The following BAZ2A variants were observed in gnomAD, a reference collection of about 807,000 sequenced individuals.
BAZ2A encodes the protein bromodomain adjacent to zinc finger domain protein 2A.
A neutral mutation model predicts 199.9 loss-of-function variants in BAZ2A; 34 were observed. The ratio of observed to expected loss-of-function variants is 0.17; its 90% CI spans 0.13 to 0.23. The LOEUF (loss-of-function observed/expected upper bound fraction) is 0.23, where lower values mean the gene tolerates loss of function less well. Ranked by LOEUF, BAZ2A falls within the 10% of genes least tolerant of loss-of-function variation. The probability of loss-of-function intolerance (pLI) is 1.00; values close to 1 mark genes in which losing one functional copy is unlikely to be tolerated. For missense variants in BAZ2A, 2,002 were observed against 2,391.1 expected (o/e 0.84, Z 3.39); for synonymous variants, 857 against 883.9 (o/e 0.97, Z 0.54).
At position 56,614,153 on chromosome 12, in the gene BAZ2A, G is replaced by A; in HGVS notation, c.731-15C>T. The A allele has an allele frequency of 1.2e-6, 2 of 1,609,498 alleles. No homozygotes were observed. The highest frequency in any genetic ancestry group is 2.2e-5 in the East Asian group (1 of 44,746). The stretch of plus-strand genomic sequence containing the variant: ...CATCTTCAGTTCTAGGAAATCACAG[G>A]AGAGACCAAAAGTCAAAATCAGTGC... On this transcript the variant is annotated splice_polypyrimidine_tract_variant and intron_variant, in intron 3 of 28. Coordinates refer to ENST00000549884, the MANE Select transcript of BAZ2A (RefSeq NM_001300905.2).
At position 56,615,187 on chromosome 12, in the gene BAZ2A, G is replaced by T. The variant is rs776437444; in HGVS notation, c.557C>A (p.Thr186Asn). The change falls in exon 3 of 29, where the codon ACC becomes AAC. Residue 186 changes from threonine to asparagine, a missense_variant. Physicochemically the swap from Thr to Asn is moderately conservative, Grantham distance 65. Transcript: ENST00000549884. Reference protein sequence around the residue: ...VMPNGPPSFFTSPQTSPMLGS... With the variant: ...VMPNGPPSFFNSPQTSPMLGS... ...CAACATAGGAGAAGTCTGTGGGGAG[G>T]TGAAAAAACTAGGGGGTCCATTGGG... 49 of 1,613,586 alleles carry T rather than the reference G, an allele frequency of 3.0e-5. No individual in the cohort carries two copies. The highest frequency in any genetic ancestry group is 4.1e-5 in the Non-Finnish European group (48 of 1,179,778).
Position 56,609,940 on chromosome 12 carries a change from G to T in BAZ2A, c.1888C>A (p.Gln630Lys), listed in dbSNP as rs563205403. ...TCCTCTGCTGAGAGCTGCACCCACT[G>T]CAAGCCCTAAGGTAGCAAGGGAGAC... ...FEERDTPEGL[Q>K]WVQLSAEEIP... is the part of the protein sequence containing the mutation. The change falls in exon 10 of 29, where the codon CAG (glutamine) becomes AAG (lysine). Residue 630 changes from glutamine (Q) to lysine (K), a missense_variant. By Grantham distance (53) the Gln-to-Lys change is moderately conservative (BLOSUM62 1). Coordinates refer to ENST00000549884, the MANE Select transcript of BAZ2A (RefSeq NM_001300905.2). 1 of 1,611,990 alleles carries T rather than the reference G, an allele frequency of 6.2e-7. No individual in the cohort carries two copies. Among genetic ancestry groups the T allele is most frequent in the South Asian group, 1.1e-5 (1 of 90,920 alleles).
upstream of BAZ2A, among the ~76,000 whole-genome samples, chr12:56,635,280 G>C (rs1472230186): frequency 2.0e-5 from 3 of 152,064 alleles, no homozygotes; most frequent in Non-Finnish European, 4.4e-5. This position sits in a 1 kb window ranked among gnomAD's most constrained non-coding sequence, Gnocchi z 4.1. Context: ...GGACTTGGGA[G>C]AGCTCTGCCC....
In BAZ2A at chr12:56,600,744, T is replaced by C; in HGVS notation, c.4539A>G (p.Leu1513=). The C allele has an allele frequency of 6.2e-7, 1 of 1,613,812 alleles. No homozygotes were observed. The highest frequency in any genetic ancestry group is 8.5e-7 in the Non-Finnish European group (1 of 1,179,890). The change falls in exon 23 of 29, where the codon CTA becomes CTG. Residue 1513 remains leucine (L), a synonymous_variant. Coordinates refer to ENST00000549884, the MANE Select transcript of BAZ2A (RefSeq NM_001300905.2). ...SPKEKTYETD[L]AVLQWVEELE... ...GCTCCTCTACCCATTGAAGCACTGC[T>C]AGGTCTGTCTCGTATGTCTTCTCTT...
rs1335329310 is a variant in BAZ2A at position 56,602,122 on chromosome 12, G to A, written c.3495C>T (p.Ala1165=). 3 of 1,593,250 alleles carry A rather than the reference G, an allele frequency of 1.9e-6. No homozygotes were observed. Among genetic ancestry groups the A allele is most frequent in the East Asian group, 4.5e-5 (2 of 44,206 alleles). The change falls in exon 20 of 29, where the codon GCC becomes GCT. Residue 1165 remains alanine (A), a synonymous_variant. Transcript: ENST00000549884. ...CTAACTCCATCTTCATAGAGAAGAG[G>A]GCAGGGTTGAGTGACGCATGGGCTG... ...KVAAHASLNP[A]LFSMKMELAG...
chr12:56,600,546 G>C, intron 23 of BAZ2A, 56 bp from the exon 24 acceptor site: 2 of 1,569,044 alleles, frequency 1.3e-6, no homozygotes, highest in Non-Finnish European at 1.7e-6. Flanking sequence ...ATTTGGCATA[G>C]GAAAAAAAAA....
chr12:56,629,727 A>G (rs920874951), intron 1 of BAZ2A, among the ~76,000 whole-genome samples: 1 of 151,926 alleles, frequency 6.6e-6, no homozygotes, highest in Non-Finnish European at 1.5e-5. Flanking sequence ...CCGCCAAGGG[A>G]ACCCCCTCAC....
intron 10 of BAZ2A, among the ~76,000 whole-genome samples, chr12:56,608,380 A>C (rs557928646): frequency 7.9e-5 from 12 of 152,110 alleles, no homozygotes; most frequent in African/African-American, 2.4e-4. Context: ...TCAAAAAAAA[A>C]AAAACAAAAT....
chr12:56,623,228 T>G (rs1000014466), intron 1 of BAZ2A, among the ~76,000 whole-genome samples: 1 of 148,960 alleles, frequency 6.7e-6, no homozygotes, highest in African/African-American at 2.5e-5. Context: ...AGAGCGAGAC[T>G]CCATCTCAAA....
In BAZ2A at chr12:56,599,189, G is replaced by T; in HGVS notation, c.5342C>A (p.Ser1781Tyr). 1 of 1,613,370 alleles carries T rather than the reference G, an allele frequency of 6.2e-7. No homozygotes were observed. The highest frequency in any genetic ancestry group is 8.5e-7 in the Non-Finnish European group (1 of 1,179,718). The change falls in exon 27 of 29, where the codon TCC becomes TAC. Residue 1781 changes from serine (S) to tyrosine (Y), a missense_variant. Physicochemically the swap from Ser to Tyr is moderately radical, Grantham distance 144 (BLOSUM62 -2). This residue lies in a region of BAZ2A where 122 missense variants were observed against 123.0 expected (regional missense o/e 0.99). Coordinates refer to ENST00000549884, the MANE Select transcript of BAZ2A (RefSeq NM_001300905.2). ...AGPRYSEEGL[S>Y]PSKRRRLSMR... ...AGAGAGTCGCCGCCGCTTGGAGGGG[G>T]AGAGCCCTTCTTCCGAGTACCGAGG...
At position 56,615,142 on chromosome 12, in the gene BAZ2A, A is replaced by G. The variant is rs1438481462; in HGVS notation, c.602T>C (p.Phe201Ser). ...ACTGCCTACCTCCTGGGAGGGTGCA[A>G]AGGTTTGAATGCTAGATCCCAACAT... is the stretch of plus-strand genomic sequence containing the variant. ...SPMLGSSIQT[F>S]APSQEVGSGI... The change falls in exon 3 of 29, where the codon TTT becomes TCT. Residue 201 changes from phenylalanine (F) to serine (S), a missense_variant. This residue lies in a region of BAZ2A where 641 missense variants were observed against 694.5 expected (regional missense o/e 0.92). Coordinates refer to ENST00000549884, the MANE Select transcript of BAZ2A (RefSeq NM_001300905.2). 2 of 1,613,696 alleles carry G rather than the reference A, an allele frequency of 1.2e-6. No homozygotes were observed. Among genetic ancestry groups the G allele is most frequent in the Admixed American group, 3.3e-5 (2 of 59,972 alleles).
chr12:56,621,323 G>A (rs896232277), intron 1 of BAZ2A: 1 of 929,548 alleles, frequency 1.1e-6, no homozygotes, highest in South Asian at 5.0e-5. Flanking sequence ...ACAGAAATCA[G>A]AGAATTAAAA....
chr12:56,596,556 C>T lies in BAZ2A; in HGVS notation c.*2062G>A, dbSNP rs1204459243. 2.0e-5 allele frequency: 3 copies of T among 152,126 alleles called. No individual in the cohort carries two copies. The East Asian group carries it at 5.8e-4, about 29-fold the overall frequency. 9.4% of individuals were successfully genotyped at this position (152,126 alleles called of 1,614,324 possible). A position where few individuals can be genotyped will look rare whatever the true frequency, so the allele number is the denominator to read the frequency against. ...AGATTTCACTCCCCCATCCACCTCA[C>T]AATTTCACTCCCCCATCCACCTCAC... On this transcript the variant is annotated 3_prime_UTR_variant, in exon 29 of 29. Transcript: ENST00000549884.
chr12:56,599,259 G>A lies in BAZ2A; in HGVS notation c.5272C>T (p.Arg1758Ter), dbSNP rs1157308812. ...CGGCCCCTCAACAGTACCCGGCGTCGGCGGCCATCACCCTCTGAGAAGTTC... is the reference window on the plus strand; with the variant it reads ...CGGCCCCTCAACAGTACCCGGCGTCAGCGGCCATCACCCTCTGAGAAGTTC... ...SLNFSEGDGRRRRVLLRGRES... is the reference protein window; with the variant it reads ...SLNFSEGDGR The change falls in exon 27 of 29, where the codon CGA becomes TGA. Residue 1758 changes from arginine (R) to a stop codon, truncating the protein, a stop_gained. Transcript: ENST00000549884. LOFTEE classifies it high-confidence loss of function. The A allele has an allele frequency of 2.5e-6, 4 of 1,613,204 alleles. No homozygotes were observed. The highest frequency in any genetic ancestry group is 2.2e-5 in the East Asian group (1 of 44,856).
chr12:56,599,869 G>A (rs1886256335), intron 25 of BAZ2A, 21 bp from the exon 26 acceptor site: 1 of 1,613,880 alleles, frequency 6.2e-7, no homozygotes. Context: ...GTTGTGAGGA[G>A]GCAGAATGAG....
rs1182010154 is a variant in BAZ2A at position 56,630,307 on chromosome 12, A to G, written c.-185T>C. ...ACCGCGGGGCCCGAGAGGAGCCAAC[A>G]TGGCCGGCGGGGGAGGAGTGAGTCG... On this transcript the variant is annotated 5_prime_UTR_variant, in exon 1 of 29. The change abolishes an upstream ATG in the 5' untranslated region. Coordinates refer to ENST00000549884, the MANE Select transcript of BAZ2A (RefSeq NM_001300905.2). 7.1e-6 allele frequency: 7 copies of G among 984,198 alleles called. No homozygotes were observed. The highest frequency in any genetic ancestry group is 1.7e-5 in the African/African-American group (1 of 57,310). The allele number at this position is 984,198 out of a possible 1,614,324, so 61.0% of individuals were successfully genotyped here. A position where few individuals can be genotyped will look rare whatever the true frequency, so the allele number is the denominator to read the frequency against.
rs1380395689 is a variant in BAZ2A, at chr12:56,602,031, C to G, written c.3586G>C (p.Gly1196Arg). The change falls in exon 20 of 29, where the codon GGG becomes CGG. Residue 1196 changes from glycine (G) to arginine (R), a missense_variant. Physicochemically the swap from Gly to Arg is moderately radical, Grantham distance 125. Coordinates refer to ENST00000549884, the MANE Select transcript of BAZ2A (RefSeq NM_001300905.2). The part of the protein sequence containing the change: ...ARGRPRKTKP[G>R]SMQPRHLKSP... ...TTAAGATGCCTAGGTTGCATAGACC[C>G]GGGCTTAGTTTTTCGAGGTCGGCCT... 1 of 1,554,774 alleles carries G rather than the reference C, an allele frequency of 6.4e-7. No homozygotes were observed. Among genetic ancestry groups the G allele is most frequent in the Non-Finnish European group, 8.7e-7 (1 of 1,148,566 alleles).
chr12:56,620,853 G>A (rs141589013), intron 1 of BAZ2A, among the ~76,000 whole-genome samples: 260 of 152,210 alleles, frequency 1.7e-3, no homozygotes, highest in African/African-American at 5.9e-3. Flanking sequence ...GAGCCACTGC[G>A]CCCAGTCAGG....
intron 1 of BAZ2A, among the ~76,000 whole-genome samples, chr12:56,626,152 G>C (rs1273898296): frequency 1.3e-5 from 2 of 152,058 alleles, no homozygotes; most frequent in East Asian, 1.9e-4. Context: ...GTGAAAAATA[G>C]TCCTACTGAC....
Sources: gnomAD v4.1 joint callset for allele counts (sites outside exome capture counted in the v4.1 genomes callset) on GRCh38, gnomAD v4.1.1 for gene constraint, gnomAD v4.1.1 regional missense constraint, Gnocchi (gnomAD v3.1) non-coding constraint, MANE v1.5 for transcripts, NCBI Gene and HGNC (gene_info 2026-07-23, HGNC 2026-07-21) for gene names.